CES2: variants seen among roughly 807,000 people sequenced by gnomAD.
CES2 encodes the protein carboxylesterase 2, also known as cocaine esterase.
CES2 carries 42 observed loss-of-function variants against 52.1 expected under a neutral mutation model. That is an observed-to-expected ratio of 0.81 (90% CI 0.63 to 1.04). CES2 has a LOEUF of 1.04. Among genes scored for constraint, CES2 ranks in the 50% least tolerant of loss-of-function variants. The pLI, the probability that CES2 is intolerant of heterozygous loss-of-function variation, is 0.00. For synonymous variants in CES2, 277 were observed against 289.6 expected, an observed-to-expected ratio of 0.96 and a Z score of 0.44; for missense variants, 656 against 724.3, an observed-to-expected ratio of 0.91 and a Z score of 1.08.
At chr16:66,936,385 T>G (rs1476266239) in intron 1 of CES2, among the ~76,000 whole-genome samples, 1 of 152,104 alleles carries the variant, frequency 6.6e-6, no homozygotes, top group East Asian at 1.9e-4. Context: ...ATTAGTGGGC[T>G]GTGGTGGTCT....
chr16:66,940,738 C>T (rs1238797674), intron 5 of CES2, 43 bp downstream of exon 5: 1 of 1,592,132 alleles, frequency 6.3e-7, no homozygotes, highest in Non-Finnish European at 8.6e-7. Flanking sequence ...GCTCCCTCCC[C>T]TCATATCCCT....
At position 66,940,305 on chromosome 16, in the gene CES2, C is replaced by T. The variant is rs368103444; in HGVS notation, c.507C>T (p.Asn169=). 1.1e-5 allele frequency: 18 copies of T among 1,614,028 alleles called. No individual in the cohort carries two copies. The highest frequency in any genetic ancestry group is 4.5e-5 in the East Asian group (2 of 44,868). ...GTTCCATGCTGGCTGCCTTGGAGAA[C>T]GTGGTGGTGGTCATCATCCAGTACC... ...YDGSMLAALE[N]VVVVIIQYRL... is the part of the protein sequence containing the mutation. Residue 169 remains asparagine, a synonymous_variant, in exon 4 of 12, where the codon AAC becomes AAT. Transcript: ENST00000317091.
chr16:66,935,434 C>G (rs772234996), upstream of CES2: 31 of 1,576,860 alleles, frequency 2.0e-5, no homozygotes, highest in Non-Finnish European at 2.7e-5. Context: ...CACTAGATCC[C>G]CACCCACCTA....
Position 66,942,774 on chromosome 16 carries a change from G to A in CES2, c.1409G>A (p.Gly470Glu), listed in dbSNP as rs1963398332. ...CCTTTTGTTTTCAGAAGTTTCTTTGGGGGCAACTACAGTGAGTCTTCTTCC... is the reference window on the plus strand; with the variant it reads ...CCTTTTGTTTTCAGAAGTTTCTTTGAGGGCAACTACAGTGAGTCTTCTTCC... Reference protein sequence around the residue: ...ELPFVFRSFFGGNYIKFTEEE... With the variant: ...ELPFVFRSFFEGNYIKFTEEE... Residue 470 changes from glycine (G) to glutamate (E), a missense_variant, in exon 10 of 12, where the codon GGG becomes GAG. Coordinates refer to ENST00000317091, the MANE Select transcript of CES2 (RefSeq NM_001365405.1). The A allele has an allele frequency of 6.2e-7, 1 of 1,614,104 alleles. No homozygotes were observed. The highest frequency in any genetic ancestry group is 1.3e-5 in the African/African-American group (1 of 74,934).
intron 7 of CES2, 57 bp from the exon 8 acceptor site, chr16:66,941,711 C>A: frequency 6.2e-7 from 1 of 1,613,606 alleles, no homozygotes; most frequent in East Asian, 2.2e-5. Context: ...GTGTTCAGGG[C>A]TTCATAGCTC....
chr16:66,934,617 G>T, upstream of CES2: 1 of 561,320 alleles, frequency 1.8e-6, no homozygotes, highest in Non-Finnish European at 3.1e-6. This position sits in a 1 kb window ranked among gnomAD's most constrained non-coding sequence, Gnocchi z 4.1. Context: ...CGAGCCAGTA[G>T]CGGGCTGAAA....
At chr16:66,938,629 C>T (rs905216122) in intron 2 of CES2, among the ~76,000 whole-genome samples, 1 of 152,314 alleles carries the variant, frequency 6.6e-6, no homozygotes, top group South Asian at 2.1e-4. Flanking sequence ...GTTGCAAATA[C>T]CTGAAGAGAA....
chr16:66,943,919 C>T lies in CES2; in HGVS notation c.1574C>T (p.Ala525Val), dbSNP rs753837525. Residue 525 changes from alanine to valine, a missense_variant, in exon 12 of 12, where the codon GCG (alanine) becomes GTG (valine). Physicochemically the swap from Ala to Val is moderately conservative, Grantham distance 64. Coordinates refer to ENST00000317091, the MANE Select transcript of CES2 (RefSeq NM_001365405.1). This position sits in a 1 kb window ranked among gnomAD's most constrained non-coding sequence, Gnocchi z 4.2. ...TACCTGCAGCTGAACCTACAGCCTG[C>T]GGTGGGCCGGGCTCTGAAGGCCCAC... The part of the protein sequence containing the change: ...EQYLQLNLQP[A>V]VGRALKAHRL... 3.9e-5 allele frequency: 62 copies of T among 1,609,846 alleles called. No individual in the cohort carries two copies. The highest frequency in any genetic ancestry group is 3.0e-4 in the South Asian group (27 of 90,606).
chr16:66,943,787 C>T lies in CES2; in HGVS notation c.1494-52C>T, dbSNP rs1963419745. On this transcript the variant is annotated intron_variant, in intron 11 of 11. Transcript: ENST00000317091. The surrounding 1 kb of genome is among the most constrained non-coding windows in gnomAD (Gnocchi z 4.2). ...ACTCAGGGTGCTCAGGTCTGGGCTT[C>T]GGGGGCCCAGAGTGACCCTCATACT... 9.5e-6 allele frequency: 14 copies of T among 1,469,188 alleles called. No individual in the cohort carries two copies. Among genetic ancestry groups the T allele is most frequent in the Middle Eastern group, 2.4e-4 (1 of 4,164 alleles). 91.0% of individuals were successfully genotyped at this position (1,469,188 alleles called of 1,614,324 possible).
chr16:66,944,178 T>C lies in CES2; in HGVS notation c.*153T>C. 1 of 492,560 alleles carries C rather than the reference T, an allele frequency of 2.0e-6. No homozygotes were observed. The highest frequency in any genetic ancestry group is 3.6e-6 in the Non-Finnish European group (1 of 279,594). The allele number at this position is 492,560 out of a possible 1,614,324, so 30.5% of individuals were successfully genotyped here. On this transcript the variant is annotated 3_prime_UTR_variant, in exon 12 of 12. Transcript: ENST00000317091. Reference sequence around the variant, plus strand: ...GTCCATCCATTCAGAAAGCATTTATTAAGAATTTACTCAGGCATGATGGCC... The same window carrying C: ...GTCCATCCATTCAGAAAGCATTTATCAAGAATTTACTCAGGCATGATGGCC...
Position 66,943,189 on chromosome 16 carries a change from GC to G in CES2, c.1421-109del. 1 of 1,100,492 alleles carries G rather than the reference GC, an allele frequency of 9.1e-7. No homozygotes were observed. Among genetic ancestry groups the G allele is most frequent in the South Asian group, 1.5e-5 (1 of 68,154 alleles). 68.2% of individuals were successfully genotyped at this position (1,100,492 alleles called of 1,614,324 possible). A position where few individuals can be genotyped will look rare whatever the true frequency, so the allele number is the denominator to read the frequency against. ...GCTTCTGAGGGCAGTGGAAGAAAAA[GC>G]GGAGAAGCAGGACTGGGGACCGAGG... On this transcript the variant is annotated intron_variant, in intron 10 of 11. Coordinates refer to ENST00000317091, the MANE Select transcript of CES2 (RefSeq NM_001365405.1). The surrounding 1 kb of genome is among the most constrained non-coding windows in gnomAD (Gnocchi z 4.2).
At position 66,938,019 on chromosome 16, in the gene CES2, C is replaced by T. The variant is rs1394760072; in HGVS notation, c.77-18C>T. 2 of 1,609,212 alleles carry T rather than the reference C, an allele frequency of 1.2e-6. No individual in the cohort carries two copies. The highest frequency in any genetic ancestry group is 2.7e-5 in the African/African-American group (2 of 74,848). The stretch of plus-strand genomic sequence containing the variant: ...GATTGGTCAAACCCAACCGTGATGT[C>T]TGTCTCTCTGCCCACAGGCCAGGAC... On this transcript the variant is annotated intron_variant, in intron 1 of 11. Coordinates refer to ENST00000317091, the MANE Select transcript of CES2 (RefSeq NM_001365405.1).
chr16:66,934,876 A>T (rs142862341), upstream of CES2: 894 of 160,348 alleles, frequency 5.6e-3, 3 homozygotes, highest in South Asian at 0.024. The surrounding 1 kb of genome is among the most constrained non-coding windows in gnomAD (Gnocchi z 4.1). Context: ...AATGTTTGTC[A>T]AGTGGATAAA....
intron 1 of CES2, among the ~76,000 whole-genome samples, chr16:66,936,167 G>C (rs528742514): frequency 6.6e-6 from 1 of 152,332 alleles, no homozygotes; most frequent in East Asian, 1.9e-4. Context: ...AGGGGCCTCA[G>C]ACAAGGATAG....
Position 66,941,167 on chromosome 16 carries a change from C to G in CES2, c.860C>G (p.Ala287Gly). 6.2e-7 allele frequency: 1 copy of G among 1,614,154 alleles called. No individual in the cohort carries two copies. Among genetic ancestry groups the G allele is most frequent in the Non-Finnish European group, 8.5e-7 (1 of 1,180,010 alleles). The change falls in exon 6 of 12, where the codon GCC (alanine) becomes GGC (glycine). Residue 287 changes from alanine to glycine, a missense_variant. By Grantham distance (60) the Ala-to-Gly change is moderately conservative (BLOSUM62 0). Coordinates refer to ENST00000317091, the MANE Select transcript of CES2 (RefSeq NM_001365405.1). ...GCCTGTGACCAAGTTGACTCTGAGG[C>G]CCTGGTGGGCTGCCTGCGGGGCAAG... ...LSACDQVDSE[A>G]LVGCLRGKSK...
In CES2 at chr16:66,940,240, G is replaced by C. The variant is rs139864573; in HGVS notation, c.442G>C (p.Gly148Arg). ...SNLPVMVWIH[G>R]GALVFGMASL... The stretch of plus-strand genomic sequence containing the variant: ...TCCCCAGGTGATGGTGTGGATCCAC[G>C]GTGGTGCGCTTGTTTTTGGCATGGC... Residue 148 changes from glycine (G) to arginine (R), a missense_variant, in exon 4 of 12, where the codon GGT becomes CGT. Gly to Arg is a moderately radical substitution (Grantham distance 125). Coordinates refer to ENST00000317091, the MANE Select transcript of CES2 (RefSeq NM_001365405.1). The C allele has an allele frequency of 5.7e-5, 92 of 1,613,956 alleles. No homozygotes were observed. In the Admixed American group the frequency reaches 1.2e-3, roughly 21 times the overall value.
intron 5 of CES2, 135 bp from the exon 6 acceptor site, chr16:66,940,989 C>G: frequency 7.8e-7 from 1 of 1,276,276 alleles, no homozygotes; most frequent in Middle Eastern, 2.8e-4. Flanking sequence ...TGAGTTGGAA[C>G]AGTGTCAGAA....
upstream of CES2, chr16:66,935,372 G>C (rs1963173347): frequency 6.8e-7 from 1 of 1,476,026 alleles, no homozygotes; most frequent in Non-Finnish European, 9.2e-7. Context: ...CCCTTCCGAG[G>C]ATGCCAAAGG....
At position 66,942,795 on chromosome 16, in the gene CES2, C is replaced by T; in HGVS notation, c.1420+10C>T. On this transcript the variant is annotated intron_variant, in intron 10 of 11. Coordinates refer to ENST00000317091, the MANE Select transcript of CES2 (RefSeq NM_001365405.1). ...TTTGGGGGCAACTACAGTGAGTCTT[C>T]TTCCTTTCCCGGGAGGTGGGCTGGG... The T allele has an allele frequency of 1.2e-6, 2 of 1,614,180 alleles. No homozygotes were observed.
Sources: gnomAD v4.1 joint callset for allele counts (sites outside exome capture counted in the v4.1 genomes callset) on GRCh38, gnomAD v4.1.1 for gene constraint, Gnocchi (gnomAD v3.1) non-coding constraint, MANE v1.5 for transcripts, NCBI Gene and HGNC (gene_info 2026-07-23, HGNC 2026-07-21) for gene names.